PFKFB3: variants seen among roughly 807,000 people sequenced by gnomAD.
PFKFB3 encodes the protein 6-phosphofructo-2-kinase/fructose-2,6-biphosphatase 3, also known as 6-phosphofructo-2-kinase/fructose-2,6-bisphosphatase 3.
In PFKFB3, 33 loss-of-function variants were observed where a neutral mutation model predicts 68.0. That is an observed-to-expected ratio of 0.49 (90% CI 0.37 to 0.65). PFKFB3 has a LOEUF of 0.65. Among genes scored for constraint, PFKFB3 ranks in the 30% least tolerant of loss-of-function variants. PFKFB3 has a pLI of 0.00. For synonymous variants in PFKFB3, 315 were observed against 288.2 expected (o/e 1.09, Z -0.94); for missense variants, 586 against 712.2 (o/e 0.82, Z 2.02).
the PFKFB3 span, among the ~76,000 whole-genome samples, chr10:6,290,013 A>G: frequency 6.6e-6 from 1 of 152,058 alleles, no homozygotes; most frequent in South Asian, 2.1e-4. Flanking sequence ...TTTGTCTGCT[A>G]TTGGTGTATA....
chr10:6,307,294 A>T, the PFKFB3 span, among the ~76,000 whole-genome samples: 1 of 151,150 alleles, frequency 6.6e-6, no homozygotes, highest in Non-Finnish European at 1.5e-5. Context: ...ACACACACAC[A>T]TGCATGCATG....
rs532277271 is a variant in PFKFB3 at position 6,203,039 on chromosome 10, G to A, written c.-222G>A. On this transcript the variant is annotated 5_prime_UTR_variant, in exon 1 of 15. Transcript: ENST00000379775. Reference sequence around the variant, plus strand: ...CGAGCGGACGAGCCGGCCGTGCCGGGCATCCCCAGCCTCGCTACCCTCGCA... The same window carrying A: ...CGAGCGGACGAGCCGGCCGTGCCGGACATCCCCAGCCTCGCTACCCTCGCA... The A allele has an allele frequency of 4.4e-6, 6 of 1,376,270 alleles. No individual in the cohort carries two copies. The Admixed American group carries it at 1.7e-4, about 39-fold the overall frequency. 85.3% of individuals were successfully genotyped at this position (1,376,270 alleles called of 1,614,324 possible).
At chr10:6,178,661 T>G (rs995523179) in intron 1 of PFKFB3, among the ~76,000 whole-genome samples, 1 of 152,116 alleles carries the variant, frequency 6.6e-6, no homozygotes, top group African/African-American at 2.4e-5. Flanking sequence ...AGCTGGGCGT[T>G]ATTTTCCCCG....
chr10:6,236,099 C>T (rs1564228043), downstream of PFKFB3, among the ~76,000 whole-genome samples: 1 of 152,160 alleles, frequency 6.6e-6, no homozygotes, highest in Non-Finnish European at 1.5e-5. Flanking sequence ...ATTCTATACC[C>T]CTTCCCCGCG....
the PFKFB3 span, among the ~76,000 whole-genome samples, chr10:6,284,049 C>T: frequency 0.019 from 2,920 of 152,222 alleles, 101 homozygotes; most frequent in African/African-American, 0.067. Context: ...TTTCTCACTG[C>T]GAAAATCCAG....
rs1845694823 is a variant in PFKFB3 at position 6,230,881 on chromosome 10, A to C, written c.1516-2014A>C. Among the ~76,000 whole-genome samples, 2 of 151,968 alleles carry C rather than the reference A, an allele frequency of 1.3e-5. 1 individual carries two copies. Among genetic ancestry groups the C allele is most frequent in the Admixed American group, 1.3e-4 (2 of 15,264 alleles). On this transcript the variant is annotated intron_variant, in intron 14 of 14. Coordinates refer to ENST00000379775, the MANE Select transcript of PFKFB3 (RefSeq NM_004566.4). ...CAGGCGCCCGCCACCATGCCCGGCTAATGTTTGTATTTTTAGTAGAGATGG... is the reference window on the plus strand; with the variant it reads ...CAGGCGCCCGCCACCATGCCCGGCTCATGTTTGTATTTTTAGTAGAGATGG...
the PFKFB3 span, among the ~76,000 whole-genome samples, chr10:6,304,844 AC>A: frequency 7.3e-6 from 1 of 136,212 alleles, no homozygotes; most frequent in African/African-American, 2.7e-5. Flanking sequence ...AATATTAGGA[AC>A]TTTTTTTTTT....
intron 1 of PFKFB3, 82 bp from the exon 2 acceptor site, chr10:6,213,541 C>T (rs1187893196): frequency 1.1e-5 from 16 of 1,466,554 alleles, no homozygotes; most frequent in African/African-American, 1.4e-5. Flanking sequence ...TGAAATTCTT[C>T]AGTGTTATTG....
At chr10:6,162,504 C>T (rs1050602885) in intron 1 of PFKFB3, among the ~76,000 whole-genome samples, 3 of 152,184 alleles carry the variant, frequency 2.0e-5, no homozygotes, top group Non-Finnish European at 4.4e-5. Context: ...TTTTGTCATT[C>T]TTTCCACATT....
chr10:6,272,266 C>T, the PFKFB3 span, among the ~76,000 whole-genome samples: 1 of 152,178 alleles, frequency 6.6e-6, no homozygotes, highest in Non-Finnish European at 1.5e-5. Context: ...AGGTAATGGT[C>T]TCCTGTGTCC....
chr10:6,225,208 T>A (rs1347996188), intron 13 of PFKFB3: 3 of 456,216 alleles, frequency 6.6e-6, no homozygotes, highest in African/African-American at 4.0e-5. Context: ...ACCTTTCTCT[T>A]AGACCGAGCG....
At chr10:6,283,885 G>A in the PFKFB3 span, among the ~76,000 whole-genome samples, 2 of 152,110 alleles carry the variant, frequency 1.3e-5, no homozygotes, top group Admixed American at 1.3e-4. Flanking sequence ...GCAGGATTCA[G>A]TCAGATCATG....
rs1359710466 is a variant in PFKFB3, at chr10:6,154,725, G to C, written c.16+9712G>C. Among the ~76,000 whole-genome samples, 1 of 152,206 alleles carries C rather than the reference G, an allele frequency of 6.6e-6. No individual in the cohort carries two copies. The highest frequency in any genetic ancestry group is 1.9e-4 in the East Asian group (1 of 5,196). ...GGATTCTGAATATATTTAGGAGGCA[G>C]AGGCGGCGGGATTTGATGGATTTGC... On this transcript the variant is annotated intron_variant, in intron 1 of 14. Coordinates refer to the PFKFB3 transcript ENST00000379789. This position sits in a 1 kb window ranked among gnomAD's most constrained non-coding sequence, Gnocchi z 4.6.
At chr10:6,157,674 A>G (rs182645391) in intron 1 of PFKFB3, among the ~76,000 whole-genome samples, 12 of 152,328 alleles carry the variant, frequency 7.9e-5, no homozygotes, top group Admixed American at 7.2e-4. Context: ...GACAAAGGGA[A>G]CCCACTTCAA....
In PFKFB3 at chr10:6,228,335, C is replaced by T. The variant is rs571305024; in HGVS notation, c.1515+1970C>T. ...AGCAGTTTTGTGATGTGAGGTCTTCCGTGGGGGAAGGAGGAGATGGGCGTA... is the reference window on the plus strand; with the variant it reads ...AGCAGTTTTGTGATGTGAGGTCTTCTGTGGGGGAAGGAGGAGATGGGCGTA... On this transcript the variant is annotated intron_variant, in intron 14 of 14. Transcript: ENST00000379775. This position sits in a 1 kb window ranked among gnomAD's most constrained non-coding sequence, Gnocchi z 4.5. 5.1e-5 allele frequency: 58 copies of T among 1,135,056 alleles called. No individual in the cohort carries two copies. The highest frequency in any genetic ancestry group is 2.4e-4 in the South Asian group (19 of 80,526). The allele number at this position is 1,135,056 out of a possible 1,614,324, so 70.3% of individuals were successfully genotyped here.
rs188383313 is a variant in PFKFB3 at position 6,153,530 on chromosome 10, G to A, written c.16+8517G>A. Among the ~76,000 whole-genome samples the A allele has an allele frequency of 4.6e-5, 7 of 152,244 alleles. No homozygotes were observed. In the East Asian group the frequency reaches 1.4e-3, roughly 29 times the overall value. Reference sequence around the variant, plus strand: ...GAACGCTGCATGTGTCAATGGATGTGAATGCCAAGAAGAAAATAACTCAGG... The same window carrying A: ...GAACGCTGCATGTGTCAATGGATGTAAATGCCAAGAAGAAAATAACTCAGG... On this transcript the variant is annotated intron_variant, in intron 1 of 14. Coordinates refer to the PFKFB3 transcript ENST00000379789.
chr10:6,173,987 C>T (rs1418336062), intron 1 of PFKFB3, among the ~76,000 whole-genome samples: 1 of 151,938 alleles, frequency 6.6e-6, no homozygotes, highest in Non-Finnish European at 1.5e-5. Flanking sequence ...TTAATCCGCA[C>T]AGATAGTAGG....
chr10:6,324,039 G>A, the PFKFB3 span, among the ~76,000 whole-genome samples: 2 of 152,174 alleles, frequency 1.3e-5, no homozygotes, highest in Non-Finnish European at 2.9e-5. Flanking sequence ...ATTCATAATA[G>A]CCAAAAGGTG....
chr10:6,203,553 G>T (rs1199476136), intron 1 of PFKFB3, among the ~76,000 whole-genome samples: 1 of 151,320 alleles, frequency 6.6e-6, no homozygotes, highest in South Asian at 2.1e-4. Context: ...CGGAAACGGC[G>T]AGTGCGCCCG....
Sources: allele counts gnomAD v4.1 joint callset (sites outside exome capture counted in the v4.1 genomes callset), GRCh38; gene constraint gnomAD v4.1.1; non-coding constraint Gnocchi (gnomAD v3.1); transcripts MANE v1.5; gene names NCBI Gene and HGNC (gene_info 2026-07-23, HGNC 2026-07-21).